Variants in SPTLC3 observed in about 807,000 individuals in gnomAD.
SPTLC3 encodes the protein serine palmitoyltransferase 3.
In SPTLC3, 36 loss-of-function variants were observed where a neutral mutation model predicts 59.3. The ratio of observed to expected loss-of-function variants is 0.61; its 90% CI spans 0.47 to 0.80. The LOEUF (loss-of-function observed/expected upper bound fraction) is 0.80, where lower values mean the gene tolerates loss of function less well. SPTLC3 is among the 30% of genes least tolerant of loss of function. The pLI is 0.00. For synonymous variants in SPTLC3, 257 were observed against 240.8 expected (o/e 1.07, Z -0.62); for missense variants, 625 against 685.1 (o/e 0.91, Z 0.98).
At chr20:13,021,805 C>T (rs1985900368) in intron 1 of SPTLC3, among the ~76,000 whole-genome samples, 1 of 152,130 alleles carries the variant, frequency 6.6e-6, no homozygotes, top group African/African-American at 2.4e-5. Flanking sequence ...CTTTGCCTTG[C>T]TGAGAAATCA....
chr20:13,036,080 A>G (rs1986720319), intron 1 of SPTLC3, among the ~76,000 whole-genome samples: 1 of 152,170 alleles, frequency 6.6e-6, no homozygotes, highest in African/African-American at 2.4e-5. Context: ...TCAGACATTC[A>G]AATGTTTTAG....
intron 1 of SPTLC3, among the ~76,000 whole-genome samples, chr20:13,015,863 G>A (rs931639696): frequency 4.6e-5 from 7 of 151,664 alleles, no homozygotes; most frequent in Admixed American, 6.6e-5. Context: ...TATTTACATG[G>A]GAAAAGTCTT....
chr20:13,152,113 G>GATTCTGGAATCTAGGATTCTAGAATCCA (rs1458498610), intron 9 of SPTLC3, among the ~76,000 whole-genome samples: 15 of 152,266 alleles, frequency 9.9e-5, no homozygotes, highest in African/African-American at 3.4e-4. Flanking sequence ...TAACAACACA[G>GATTCTGGAATCTAGGATTCTAGAATCCA]ATTCTGGAAT....
At chr20:13,158,605 A>G (rs1025879616) in intron 10 of SPTLC3, among the ~76,000 whole-genome samples, 1 of 152,160 alleles carries the variant, frequency 6.6e-6, no homozygotes, top group South Asian at 2.1e-4. Flanking sequence ...GCAGCCTTCC[A>G]TAGGGTGATC....
At chr20:13,061,597 G>A (rs537505972) in intron 2 of SPTLC3, among the ~76,000 whole-genome samples, 155 of 152,216 alleles carry the variant, frequency 1.0e-3, no homozygotes, top group Non-Finnish European at 1.5e-3. Flanking sequence ...TAAGTAAATG[G>A]CAACTCCACC....
intron 1 of SPTLC3, 69 bp downstream of exon 1, chr20:13,009,453 T>A: frequency 7.2e-7 from 1 of 1,387,810 alleles, no homozygotes; most frequent in African/African-American, 1.4e-5. Context: ...GTGAAGATAT[T>A]TGAGGCTGTC....
At chr20:13,096,172 C>T (rs1414839045) in intron 6 of SPTLC3, among the ~76,000 whole-genome samples, 3 of 152,128 alleles carry the variant, frequency 2.0e-5, no homozygotes, top group East Asian at 3.9e-4. Context: ...TCACCCATTG[C>T]CTGTGGAGTA....
chr20:13,155,152 C>T (rs1600399424), intron 10 of SPTLC3, among the ~76,000 whole-genome samples: 1 of 151,890 alleles, frequency 6.6e-6, no homozygotes, highest in Non-Finnish European at 1.5e-5. Context: ...TGCACTCCAG[C>T]CTAGGTGACT....
intron 2 of SPTLC3, chr20:13,049,440 T>C (rs767695319): frequency 7.0e-5 from 17 of 241,892 alleles, no homozygotes; most frequent in Admixed American, 6.9e-4. Context: ...GATAAAAACA[T>C]CAAAATATAA....
intron 2 of SPTLC3, among the ~76,000 whole-genome samples, chr20:13,064,955 T>C (rs1988137045): frequency 6.6e-6 from 1 of 152,130 alleles, no homozygotes; most frequent in Admixed American, 6.5e-5. Context: ...ATTATCTTTT[T>C]CCCATACCAT....
intron 1 of SPTLC3, among the ~76,000 whole-genome samples, chr20:13,024,167 C>T (rs984052012): frequency 1.3e-5 from 2 of 152,162 alleles, no homozygotes; most frequent in African/African-American, 4.8e-5. Context: ...GATGACTAAA[C>T]TTAGTCATGC....
At chr20:13,044,746 A>T (rs1987153349) in intron 1 of SPTLC3, among the ~76,000 whole-genome samples, 1 of 152,106 alleles carries the variant, frequency 6.6e-6, no homozygotes, top group Non-Finnish European at 1.5e-5. Flanking sequence ...TACTAGCCCC[A>T]CTTAGCACTG....
At chr20:13,013,806 C>G (rs1381139870) in intron 1 of SPTLC3, among the ~76,000 whole-genome samples, 1 of 152,212 alleles carries the variant, frequency 6.6e-6, no homozygotes, top group Non-Finnish European at 1.5e-5. Context: ...CAGTCCAAAA[C>G]CCAATGGCTT....
At chr20:13,033,220 A>G (rs922899410) in intron 1 of SPTLC3, among the ~76,000 whole-genome samples, 24 of 152,338 alleles carry the variant, frequency 1.6e-4, no homozygotes, top group African/African-American at 5.8e-4. Flanking sequence ...CAATATTCTG[A>G]TAGTATGTGT....
chr20:13,075,351 A>T (rs1281435861), intron 4 of SPTLC3, among the ~76,000 whole-genome samples: 2 of 152,182 alleles, frequency 1.3e-5, no homozygotes, highest in Non-Finnish European at 2.9e-5. Context: ...TAAGAATTGG[A>T]GGCAAATGTG....
At chr20:13,082,117 A>T (rs1292950972) in intron 4 of SPTLC3, among the ~76,000 whole-genome samples, 1 of 152,226 alleles carries the variant, frequency 6.6e-6, no homozygotes, top group Non-Finnish European at 1.5e-5. Context: ...GTAATTTTAC[A>T]TAAGTATAAT....
intron 1 of SPTLC3, among the ~76,000 whole-genome samples, chr20:13,024,813 G>A (rs979737236): frequency 1.3e-5 from 2 of 152,106 alleles, no homozygotes; most frequent in East Asian, 1.9e-4. Flanking sequence ...ATTCCACAGC[G>A]ATCAGCAGCT....
intron 6 of SPTLC3, among the ~76,000 whole-genome samples, chr20:13,105,321 A>T (rs546149168): frequency 2.6e-5 from 4 of 152,008 alleles, no homozygotes; most frequent in African/African-American, 9.7e-5. Flanking sequence ...TGGTGTGTTG[A>T]CCCTGGGGGG....
chr20:13,065,237 C>T (rs890545629), intron 2 of SPTLC3, among the ~76,000 whole-genome samples: 3 of 147,228 alleles, frequency 2.0e-5, no homozygotes, highest in African/African-American at 7.5e-5. Flanking sequence ...ATATTAATGC[C>T]TTTCACTGTG....
Sources: gnomAD v4.1 joint callset for allele counts (sites outside exome capture counted in the v4.1 genomes callset) on GRCh38, gnomAD v4.1.1 for gene constraint, MANE v1.5 for transcripts, NCBI Gene and HGNC (gene_info 2026-07-23, HGNC 2026-07-21) for gene names.